TXNRD1: variants seen among roughly 807,000 people sequenced by gnomAD.
The protein encoded by TXNRD1 is thioredoxin reductase 1, also known as thioredoxin reductase 1, cytoplasmic.
TXNRD1 carries 57 observed loss-of-function variants against 80.3 expected under a neutral mutation model. That is an observed-to-expected ratio of 0.71 (90% CI 0.57 to 0.89). The LOEUF (loss-of-function observed/expected upper bound fraction) is 0.89. Among genes scored for constraint, TXNRD1 ranks in the 40% least tolerant of loss-of-function variants. TXNRD1 has a pLI of 0.00. For missense variants in TXNRD1, 730 were observed against 803.0 expected (o/e 0.91, Z 1.10); for synonymous variants, 291 against 285.2 (o/e 1.02, Z -0.20).
chr12:104,321,765 G>A (rs2035539679), intron 10 of TXNRD1, among the ~76,000 whole-genome samples: 2 of 152,156 alleles, frequency 1.3e-5, no homozygotes, highest in African/African-American at 2.4e-5. Flanking sequence ...ATCCCTGAAA[G>A]TGATTATCTC....
In TXNRD1 at chr12:104,321,206, A is replaced by T. The variant is rs1475331465; in HGVS notation, c.1105A>T (p.Met369Leu). 8.7e-6 allele frequency: 14 copies of T among 1,613,252 alleles called. No homozygotes were observed. Among genetic ancestry groups the T allele is most frequent in the Non-Finnish European group, 1.1e-5 (13 of 1,179,810 alleles). The change falls in exon 10 of 17, where the codon ATG (methionine) becomes TTG (leucine). Residue 369 changes from methionine to leucine, a missense_variant. By Grantham distance (15) the Met-to-Leu change is conservative. Transcript: ENST00000525566. ...TGGTATTGGTTTAGACGTCACTGTT[A>T]TGGTTAGGTCCATTCTTCTTAGAGG... Reference protein sequence around the residue: ...LAGIGLDVTVMVRSILLRGFD... With the variant: ...LAGIGLDVTVLVRSILLRGFD...
At chr12:104,333,575 T>C (rs151213580) in intron 14 of TXNRD1, among the ~76,000 whole-genome samples, 1 of 152,334 alleles carries the variant, frequency 6.6e-6, no homozygotes, top group Non-Finnish European at 1.5e-5. Flanking sequence ...ACTTGTTATG[T>C]CTTCATAATC....
At chr12:104,249,812 G>A (rs1253784596) in intron 1 of TXNRD1, among the ~76,000 whole-genome samples, 2 of 151,764 alleles carry the variant, frequency 1.3e-5, no homozygotes, top group South Asian at 2.1e-4. Flanking sequence ...GCAGGCGCCT[G>A]TAGTCCCAGC....
At chr12:104,313,024 A>G (rs574240638) in intron 5 of TXNRD1, among the ~76,000 whole-genome samples, 22 of 152,196 alleles carry the variant, frequency 1.4e-4, no homozygotes, top group Non-Finnish European at 3.2e-4. Context: ...TTACTACTCT[A>G]TTCTGCATAA....
At chr12:104,348,245 T>C (rs977493736) in intron 16 of TXNRD1, 108 bp from the exon 17 acceptor site, 10 of 890,892 alleles carry the variant, frequency 1.1e-5, no homozygotes, top group Non-Finnish European at 1.8e-5. Context: ...TTATTCATTT[T>C]GGTAGTCGCC....
intron 1 of TXNRD1, among the ~76,000 whole-genome samples, chr12:104,249,548 A>AAAAATTTCTT (rs1362253689): frequency 6.6e-6 from 1 of 152,218 alleles, no homozygotes; most frequent in Non-Finnish European, 1.5e-5. Flanking sequence ...GGGGTTATTT[A>AAAAATTTCTT]AAAATTTCTT....
chr12:104,302,549 G>GCCCGATCT, intron 4 of TXNRD1, among the ~76,000 whole-genome samples: 1 of 134,402 alleles, frequency 7.4e-6, no homozygotes, highest in South Asian at 2.5e-4. Context: ...GAGTGCAGTG[G>GCCCGATCT]CCCGATCTCG....
intron 3 of TXNRD1, chr12:104,286,692 G>A (rs1313809066): frequency 1.0e-5 from 10 of 992,180 alleles, no homozygotes; most frequent in East Asian, 2.2e-4. Context: ...AGACCCTCAC[G>A]TGATGACAAC....
At chr12:104,315,373 C>G (rs2035288943) in intron 6 of TXNRD1, among the ~76,000 whole-genome samples, 2 of 152,120 alleles carry the variant, frequency 1.3e-5, no homozygotes, top group South Asian at 4.1e-4. Flanking sequence ...ATATAATTTA[C>G]TGAATACTGA....
rs1205633241 is a variant in TXNRD1 at position 104,321,444 on chromosome 12, T to G, written c.1215+128T>G. 6.2e-5 allele frequency: 43 copies of G among 696,002 alleles called. No individual in the cohort carries two copies. The East Asian group carries it at 7.0e-4, about 11-fold the overall frequency. 43.1% of individuals were successfully genotyped at this position (696,002 alleles called of 1,614,324 possible). A position where few individuals can be genotyped will look rare whatever the true frequency, so the allele number is the denominator to read the frequency against. ...TCAGGAATGCTGATTCCCCTACTGT[T>G]GTATACTGGTATATAAACTTGTACC... On this transcript the variant is annotated intron_variant, in intron 10 of 16. Coordinates refer to ENST00000525566, the MANE Select transcript of TXNRD1 (RefSeq NM_001093771.3).
intron 1 of TXNRD1, among the ~76,000 whole-genome samples, chr12:104,231,452 T>C (rs1358984686): frequency 1.3e-5 from 2 of 152,168 alleles, no homozygotes; most frequent in Admixed American, 1.3e-4. Flanking sequence ...AGGGTTCAAA[T>C]ATTAATACAA....
intron 1 of TXNRD1, among the ~76,000 whole-genome samples, chr12:104,230,061 A>G (rs1288660658): frequency 6.6e-6 from 1 of 151,386 alleles, no homozygotes; most frequent in Non-Finnish European, 1.5e-5. Flanking sequence ...TGGTAACTAT[A>G]TGTTTAACAT....
chr12:104,266,853 T>G (rs901533081), intron 3 of TXNRD1, among the ~76,000 whole-genome samples: 6 of 152,030 alleles, frequency 3.9e-5, no homozygotes, highest in Admixed American at 3.3e-4. Flanking sequence ...TCCCAGCAAC[T>G]CGGGAGGTTG....
chr12:104,289,155 C>G, intron 4 of TXNRD1, 115 bp downstream of exon 4: 5 of 1,326,608 alleles, frequency 3.8e-6, no homozygotes, highest in Non-Finnish European at 5.1e-6. Context: ...GGACGCAGCG[C>G]TGGGAAATGA....
At position 104,325,411 on chromosome 12, in the gene TXNRD1, T is replaced by C; in HGVS notation, c.1290T>C (p.Ile430=). The C allele has an allele frequency of 6.2e-7, 1 of 1,612,184 alleles. No individual in the cohort carries two copies. Among genetic ancestry groups the C allele is most frequent in the Non-Finnish European group, 8.5e-7 (1 of 1,178,818 alleles). Residue 430 remains isoleucine (I), a synonymous_variant, in exon 11 of 17, where the codon ATT becomes ATC. Transcript: ENST00000525566. Reference sequence around the variant, plus strand: ...AGTCCACCAATAGTGAGGAAATCATTGAAGGAGAATATAATACGGTAAGGA... The same window carrying C: ...AGTCCACCAATAGTGAGGAAATCATCGAAGGAGAATATAATACGGTAAGGA... The part of the protein sequence containing the change: ...VAQSTNSEEI[I]EGEYNTVMLA...
intron 4 of TXNRD1, among the ~76,000 whole-genome samples, chr12:104,310,858 T>C (rs2035108881): frequency 6.6e-6 from 1 of 152,250 alleles, no homozygotes; most frequent in Non-Finnish European, 1.5e-5. Flanking sequence ...TTAGATGTTA[T>C]GCCCCAGCCA....
intron 1 of TXNRD1, among the ~76,000 whole-genome samples, chr12:104,228,299 CTCA>C (rs2032523381): frequency 1.7e-5 from 1 of 58,874 alleles, no homozygotes; most frequent in African/African-American, 5.3e-5. Flanking sequence ...AAAACTCCAT[CTCA>C]AAAAAAAAAA....
intron 1 of TXNRD1, among the ~76,000 whole-genome samples, chr12:104,244,520 A>G (rs1372531015): frequency 1.3e-5 from 2 of 152,192 alleles, no homozygotes; most frequent in Non-Finnish European, 2.9e-5. Context: ...TATAACTAAT[A>G]TGACCATTTT....
At chr12:104,270,164 G>C (rs1173846084) in intron 3 of TXNRD1, among the ~76,000 whole-genome samples, 1 of 152,170 alleles carries the variant, frequency 6.6e-6, no homozygotes, top group African/African-American at 2.4e-5. Flanking sequence ...TTCTTCCCAT[G>C]AATCATGAAT....
Sources: gnomAD v4.1 joint callset for allele counts (sites outside exome capture counted in the v4.1 genomes callset) on GRCh38, gnomAD v4.1.1 for gene constraint, MANE v1.5 for transcripts, NCBI Gene and HGNC (gene_info 2026-07-23, HGNC 2026-07-21) for gene names.